The following POLN variants were observed in gnomAD, a reference collection of about 807,000 sequenced individuals.
The protein encoded by POLN is DNA polymerase nu.
In POLN, 108 loss-of-function variants were observed where a neutral mutation model predicts 113.5. The ratio of observed to expected loss-of-function variants is 0.95; its 90% CI spans 0.81 to 1.12. The LOEUF (loss-of-function observed/expected upper bound fraction) is 1.12, where lower values mean the gene tolerates loss of function less well. POLN is among the 50% of genes most tolerant of loss of function. The pLI is 0.00. For missense variants in POLN, 1,097 were observed against 1,077.1 expected (o/e 1.02, Z -0.26); for synonymous variants, 386 against 391.5 (o/e 0.99, Z 0.17).
intron 13 of POLN, among the ~76,000 whole-genome samples, chr4:2,170,327 A>G (rs1732828545): frequency 6.6e-6 from 1 of 152,216 alleles, no homozygotes; most frequent in Admixed American, 6.5e-5. Context: ...TCTAAAATAA[A>G]TCTGAGGAAA....
chr4:2,153,727 C>T (rs368259439), intron 16 of POLN, among the ~76,000 whole-genome samples: 26 of 151,778 alleles, frequency 1.7e-4, no homozygotes, highest in Non-Finnish European at 2.9e-4. Context: ...GGACCACAGG[C>T]GCCCACTACC....
At chr4:2,100,878 C>T (rs574781295) in intron 19 of POLN, among the ~76,000 whole-genome samples, 4 of 152,104 alleles carry the variant, frequency 2.6e-5, no homozygotes, top group Non-Finnish European at 5.9e-5. Flanking sequence ...TGCCTACTTC[C>T]TATCATACAC....
chr4:2,199,985 T>C (rs1376276303), intron 5 of POLN, among the ~76,000 whole-genome samples: 1 of 152,146 alleles, frequency 6.6e-6, no homozygotes, highest in Non-Finnish European at 1.5e-5. Context: ...AAGACTTGCA[T>C]ACTACACTGA....
chr4:2,148,891 G>C (rs1392136062), intron 16 of POLN, among the ~76,000 whole-genome samples: 4 of 152,138 alleles, frequency 2.6e-5, no homozygotes, highest in Non-Finnish European at 4.4e-5. Context: ...CAAACAATGT[G>C]AGAAGAAAGT....
chr4:2,140,270 G>A (rs1048378150), intron 16 of POLN, among the ~76,000 whole-genome samples: 29 of 151,940 alleles, frequency 1.9e-4, no homozygotes, highest in Non-Finnish European at 4.4e-5. Flanking sequence ...TAGAGACGGG[G>A]GTTTCACCTT....
chr4:2,116,667 C>A (rs1273652753), intron 19 of POLN, among the ~76,000 whole-genome samples: 2 of 152,164 alleles, frequency 1.3e-5, no homozygotes, highest in Non-Finnish European at 2.9e-5. Context: ...AAGTGGCCTG[C>A]AAACTTGGCT....
At chr4:2,088,611 C>A in intron 20 of POLN, 6 of 634,468 alleles carry the variant, frequency 9.5e-6, no homozygotes, top group Non-Finnish European at 1.4e-5. Flanking sequence ...CAACAATTTT[C>A]ATGAAAATCA....
intron 2 of POLN, chr4:2,236,404 G>C (rs771522885): frequency 6.2e-7 from 1 of 1,613,500 alleles, no homozygotes; most frequent in African/African-American, 1.3e-5. Flanking sequence ...AGGTTTCCAT[G>C]AGTTAGAAAC....
intron 19 of POLN, among the ~76,000 whole-genome samples, chr4:2,099,920 A>T (rs1730882238): frequency 6.6e-6 from 1 of 152,078 alleles, no homozygotes; most frequent in South Asian, 2.1e-4. Context: ...ATACAAAAAA[A>T]TTAGCCAGGT....
At chr4:2,164,963 C>T (rs1304260849) in intron 13 of POLN, among the ~76,000 whole-genome samples, 1 of 151,894 alleles carries the variant, frequency 6.6e-6, no homozygotes, top group Non-Finnish European at 1.5e-5. Flanking sequence ...GTTGAACTCT[C>T]ATTCATTGTT....
chr4:2,081,411 G>C, intron 22 of POLN: 1 of 623,146 alleles, frequency 1.6e-6, no homozygotes, highest in Non-Finnish European at 2.8e-6. Flanking sequence ...CCCAGTTCTT[G>C]CGGGAATCAT....
At chr4:2,131,942 A>C (rs1414920667) in intron 16 of POLN, among the ~76,000 whole-genome samples, 1 of 152,190 alleles carries the variant, frequency 6.6e-6, no homozygotes, top group Non-Finnish European at 1.5e-5. Context: ...TTGGACAATA[A>C]TACCCTGCTT....
intron 24 of POLN, 62 bp downstream of exon 24, chr4:2,075,390 G>A: frequency 1.3e-6 from 2 of 1,552,634 alleles, no homozygotes; most frequent in South Asian, 1.1e-5. Flanking sequence ...GTGCCCATGG[G>A]GCATGGAGCC....
intron 3 of POLN, among the ~76,000 whole-genome samples, chr4:2,214,915 A>AGG (rs1367226283): frequency 7.9e-5 from 12 of 151,512 alleles, no homozygotes; most frequent in Non-Finnish European, 1.6e-4. Context: ...GTATATACAT[A>AGG]TACATATATA....
chr4:2,096,724 GAGAGAGAC>G (rs1174972385), intron 19 of POLN, among the ~76,000 whole-genome samples: 19 of 145,538 alleles, frequency 1.3e-4, no homozygotes, highest in African/African-American at 4.0e-4. Flanking sequence ...GAGAGAGAGA[GAGAGAGAC>G]ACACAGAGAG....
intron 16 of POLN, among the ~76,000 whole-genome samples, chr4:2,137,008 G>C (rs1731873766): frequency 6.6e-6 from 1 of 152,128 alleles, no homozygotes; most frequent in Admixed American, 6.5e-5. Flanking sequence ...GTGCTGTGCA[G>C]AACAGCCACA....
intron 5 of POLN, among the ~76,000 whole-genome samples, chr4:2,202,144 A>G (rs1425115855): frequency 6.6e-6 from 1 of 152,150 alleles, no homozygotes; most frequent in Non-Finnish European, 1.5e-5. Context: ...AAAAAAAACA[A>G]CGTATACCAG....
At chr4:2,088,665 T>C in intron 20 of POLN, 1 of 791,116 alleles carries the variant, frequency 1.3e-6, no homozygotes, top group Non-Finnish European at 1.8e-6. Context: ...AAGACTTTAA[T>C]TAAAAATAAA....
At chr4:2,099,681 G>A (rs977998722) in intron 19 of POLN, among the ~76,000 whole-genome samples, 1 of 152,108 alleles carries the variant, frequency 6.6e-6, no homozygotes, top group Non-Finnish European at 1.5e-5. Context: ...GTGGACTTTA[G>A]TTTATAATAA....
Sources: gnomAD v4.1 joint callset for allele counts (sites outside exome capture counted in the v4.1 genomes callset) on GRCh38, gnomAD v4.1.1 for gene constraint, MANE v1.5 for transcripts, NCBI Gene and HGNC (gene_info 2026-07-23, HGNC 2026-07-21) for gene names.